Variants in LDLRAD3 observed in about 807,000 individuals in gnomAD.
LDLRAD3 encodes the protein low-density lipoprotein receptor class A domain-containing protein 3.
LDLRAD3 carries 20 observed loss-of-function variants against 29.4 expected under a neutral mutation model. That is an observed-to-expected ratio of 0.68 (90% confidence interval 0.48 to 0.99). The LOEUF (loss-of-function observed/expected upper bound fraction) is 0.99. Ranked by LOEUF, LDLRAD3 falls within the 50% of genes least tolerant of loss-of-function variation. The pLI, the probability that LDLRAD3 is intolerant of heterozygous loss-of-function variation, is 0.00. For missense variants in LDLRAD3, 420 were observed against 454.3 expected, an observed-to-expected ratio of 0.92 and a Z score of 0.69; for synonymous variants, 157 against 192.7, an observed-to-expected ratio of 0.81 and a Z score of 1.53.
chr11:36,035,985 G>C, intron 1 of LDLRAD3, 118 bp from the exon 2 acceptor site: 1 of 940,186 alleles, frequency 1.1e-6, no homozygotes, highest in Non-Finnish European at 1.6e-6. Flanking sequence ...CTGAAGGTCA[G>C]AGAGGTTGAG....
chr11:36,035,735 A>T (rs978040927), intron 1 of LDLRAD3, among the ~76,000 whole-genome samples: 1 of 152,344 alleles, frequency 6.6e-6, no homozygotes, highest in Non-Finnish European at 1.5e-5. Flanking sequence ...TGTTGGAGAC[A>T]TTGGGAGTCC....
chr11:35,982,893 G>A (rs958473655), intron 1 of LDLRAD3, among the ~76,000 whole-genome samples: 4 of 127,122 alleles, frequency 3.1e-5, no homozygotes, highest in African/African-American at 1.3e-4. Flanking sequence ...TTGCTCTGTC[G>A]TCCAAGCTGC....
chr11:36,173,845 A>T (rs1235926318), intron 4 of LDLRAD3, among the ~76,000 whole-genome samples: 1 of 49,264 alleles, frequency 2.0e-5, no homozygotes, highest in Non-Finnish European at 9.7e-5. Context: ...CTTTCTTCAC[A>T]GAATTGGAAA....
In LDLRAD3 at chr11:36,192,604, G is replaced by A. The variant is rs574444342; in HGVS notation, c.455-34481G>A. Among the ~76,000 whole-genome samples, 3 of 152,308 alleles carry A rather than the reference G, an allele frequency of 2.0e-5. No homozygotes were observed. The East Asian group carries it at 5.8e-4, about 29-fold the overall frequency. ...CCTGCTCTTCAAAGCAAAGCCACAT[G>A]CATATATCTGGCATATGTGCAGGAT... On this transcript the variant is annotated intron_variant, in intron 4 of 5. Coordinates refer to ENST00000315571, the MANE Select transcript of LDLRAD3 (RefSeq NM_174902.4).
chr11:36,036,269 G>A lies in LDLRAD3; in HGVS notation c.193+20G>A. 6.2e-7 allele frequency: 1 copy of A among 1,613,814 alleles called. No individual in the cohort carries two copies. On this transcript the variant is annotated intron_variant, in intron 2 of 5. Transcript: ENST00000315571. ...AGTGCCGTGAGTGGCCTGGCCCTTTGCTGGGGTGGGGTGGCAGCCATCCTG... is the reference window on the plus strand; with the variant it reads ...AGTGCCGTGAGTGGCCTGGCCCTTTACTGGGGTGGGGTGGCAGCCATCCTG...
intron 4 of LDLRAD3, among the ~76,000 whole-genome samples, chr11:36,209,023 A>G (rs977130890): frequency 2.0e-5 from 3 of 152,254 alleles, no homozygotes; most frequent in Non-Finnish European, 4.4e-5. Context: ...CTGATGGGAT[A>G]CACTGAATAT....
chr11:36,110,687 C>G (rs1006510195), intron 4 of LDLRAD3, among the ~76,000 whole-genome samples: 1 of 152,220 alleles, frequency 6.6e-6, no homozygotes, highest in Admixed American at 6.5e-5. Context: ...CGGTCTCACC[C>G]AGGTACTGGA....
At chr11:36,210,464 T>TA (rs1855268974) in intron 4 of LDLRAD3, among the ~76,000 whole-genome samples, 1 of 152,182 alleles carries the variant, frequency 6.6e-6, no homozygotes, top group African/African-American at 2.4e-5. Context: ...GGCCCAGGGA[T>TA]ACTTGGTTAT....
At chr11:35,964,842 G>A (rs1273743993) in intron 1 of LDLRAD3, among the ~76,000 whole-genome samples, 2 of 152,006 alleles carry the variant, frequency 1.3e-5, no homozygotes, top group Non-Finnish European at 2.9e-5. Context: ...ACAAAAATTA[G>A]GTTGGACATG....
chr11:35,978,869 G>T (rs550032089), intron 1 of LDLRAD3, among the ~76,000 whole-genome samples: 16 of 152,254 alleles, frequency 1.1e-4, no homozygotes, highest in African/African-American at 3.9e-4. Flanking sequence ...CCTCTGAGGG[G>T]CACAGCTATT....
chr11:36,017,961 T>C (rs1374454675), intron 1 of LDLRAD3, among the ~76,000 whole-genome samples: 1 of 152,224 alleles, frequency 6.6e-6, no homozygotes, highest in Non-Finnish European at 1.5e-5. Context: ...AGGTAGAAAC[T>C]TCAGTTTTTC....
chr11:36,164,736 G>C (rs74977555), intron 4 of LDLRAD3, among the ~76,000 whole-genome samples: 1 of 152,362 alleles, frequency 6.6e-6, no homozygotes, highest in Non-Finnish European at 1.5e-5. Context: ...AACTTCTTAA[G>C]TGCAGTGTTT....
At chr11:35,952,175 C>T (rs1487216147) in intron 1 of LDLRAD3, among the ~76,000 whole-genome samples, 1 of 152,168 alleles carries the variant, frequency 6.6e-6, no homozygotes, top group Non-Finnish European at 1.5e-5. Flanking sequence ...TTTCCTAAAC[C>T]TTCGACCAGT....
chr11:35,948,210 T>G (rs1250494243), intron 1 of LDLRAD3, among the ~76,000 whole-genome samples: 1 of 152,194 alleles, frequency 6.6e-6, no homozygotes, highest in Non-Finnish European at 1.5e-5. Context: ...AAAAATAAGG[T>G]ACTTTCCACC....
At chr11:36,128,017 C>T (rs116106392) in intron 4 of LDLRAD3, among the ~76,000 whole-genome samples, 3,374 of 151,108 alleles carry the variant, frequency 0.022, 122 homozygotes, top group African/African-American at 0.078. Flanking sequence ...GGATGTACAC[C>T]GAGGAGGCAG....
At chr11:36,092,115 A>G (rs72937892) in intron 3 of LDLRAD3, among the ~76,000 whole-genome samples, 1,713 of 152,282 alleles carry the variant, frequency 0.011, 13 homozygotes, top group Non-Finnish European at 0.017. Flanking sequence ...TCTATCTGAG[A>G]CGTATCGAAT....
At chr11:35,978,368 C>T (rs1298547022) in intron 1 of LDLRAD3, among the ~76,000 whole-genome samples, 6 of 152,214 alleles carry the variant, frequency 3.9e-5, no homozygotes, top group Non-Finnish European at 8.8e-5. Context: ...CTTCAGCCTT[C>T]GTGCAGGGTC....
intron 4 of LDLRAD3, among the ~76,000 whole-genome samples, chr11:36,195,536 G>A (rs1855019774): frequency 6.6e-6 from 1 of 152,130 alleles, no homozygotes; most frequent in Non-Finnish European, 1.5e-5. Context: ...AGCTTTTCAT[G>A]ATTAAGGCTC....
At chr11:36,087,178 G>A (rs1294652885) in intron 3 of LDLRAD3, among the ~76,000 whole-genome samples, 1 of 152,136 alleles carries the variant, frequency 6.6e-6, no homozygotes, top group Non-Finnish European at 1.5e-5. Flanking sequence ...CAGATTAAGA[G>A]AGTAAAAGAC....
Sources: allele counts gnomAD v4.1 joint callset (sites outside exome capture counted in the v4.1 genomes callset), GRCh38; gene constraint gnomAD v4.1.1; transcripts MANE v1.5; gene names NCBI Gene and HGNC (gene_info 2026-07-23, HGNC 2026-07-21).